Variants in PCDHA2 observed in about 807,000 individuals in gnomAD.
The protein encoded by PCDHA2 is protocadherin alpha 2, also known as protocadherin alpha-2.
PCDHA2 carries 58 observed loss-of-function variants against 66.0 expected under a neutral mutation model. That is an observed-to-expected ratio of 0.88 (90% CI 0.71 to 1.09). The LOEUF (loss-of-function observed/expected upper bound fraction) is 1.09, where lower values mean the gene tolerates loss of function less well. Ranked by LOEUF, PCDHA2 falls within the 50% of genes least tolerant of loss-of-function variation. PCDHA2 has a pLI of 0.00. For synonymous variants in PCDHA2, 634 were observed against 554.0 expected, an observed-to-expected ratio of 1.14 and a Z score of -2.03; for missense variants, 1,267 against 1,242.3, an observed-to-expected ratio of 1.02 and a Z score of -0.30.
chr5:140,830,088 T>C, intron 1 of PCDHA2: 13 of 1,613,512 alleles, frequency 8.1e-6, no homozygotes, highest in Non-Finnish European at 1.1e-5. Flanking sequence ...GCCACGGTTC[T>C]GGTGTCGCTG....
At chr5:140,954,237 A>G (rs1442141242) in intron 1 of PCDHA2, among the ~76,000 whole-genome samples, 14 of 152,338 alleles carry the variant, frequency 9.2e-5, no homozygotes, top group Middle Eastern at 3.4e-3. Flanking sequence ...TAGTGCTGCA[A>G]TGAACATACA....
chr5:140,959,413 T>G (rs1328731924), intron 1 of PCDHA2, among the ~76,000 whole-genome samples: 1 of 152,152 alleles, frequency 6.6e-6, no homozygotes, highest in Admixed American at 6.6e-5. Context: ...TGTTGATTGA[T>G]CTGAGAATTT....
chr5:140,809,099 G>T, intron 1 of PCDHA2: 1 of 1,613,982 alleles, frequency 6.2e-7, no homozygotes, highest in South Asian at 1.1e-5. Flanking sequence ...GCGTGCCCTG[G>T]ACGAAACGGA....
In PCDHA2 at chr5:140,797,082, G is replaced by C. The variant is rs376374088; in HGVS notation, c.2118G>C (p.Ala706=). The change falls in exon 1 of 4, where the codon GCG becomes GCC. Residue 706 remains alanine (A), a synonymous_variant. Transcript: ENST00000526136. The part of the protein sequence containing the change: ...VNVYLIIAIC[A]VSSLLVLTVL... ...TGTACCTGATCATCGCCATCTGCGC[G>C]GTATCCAGCCTGTTGGTGCTCACGG... is the stretch of plus-strand genomic sequence containing the variant. 2.9e-5 allele frequency: 46 copies of C among 1,613,950 alleles called. No individual in the cohort carries two copies. The highest frequency in any genetic ancestry group is 1.0e-4 in the Admixed American group (6 of 60,034).
At chr5:140,862,216 T>C in intron 1 of PCDHA2, 1 of 205,622 alleles carries the variant, frequency 4.9e-6, no homozygotes, top group Non-Finnish European at 9.9e-6. Flanking sequence ...TGCACAGACT[T>C]GATAGAAGTC....
chr5:140,859,086 G>A (rs1474947917), intron 1 of PCDHA2: 3 of 150,424 alleles, frequency 2.0e-5, no homozygotes, highest in Non-Finnish European at 3.0e-5. Flanking sequence ...CTGTGTCAGT[G>A]TGTATTATTC....
At chr5:140,892,758 A>G (rs936927643) in intron 1 of PCDHA2, among the ~76,000 whole-genome samples, 2 of 152,210 alleles carry the variant, frequency 1.3e-5, no homozygotes, top group Non-Finnish European at 2.9e-5. Flanking sequence ...AACATTTAAA[A>G]TCCACTCTTC....
intron 1 of PCDHA2, among the ~76,000 whole-genome samples, chr5:140,833,021 AAG>A (rs1157304540): frequency 2.0e-5 from 3 of 152,192 alleles, no homozygotes; most frequent in Admixed American, 6.6e-5. Context: ...TGGTTCCCAT[AAG>A]AGAGAGTGTG....
At chr5:140,873,078 T>A (rs1375879471) in intron 1 of PCDHA2, among the ~76,000 whole-genome samples, 19 of 152,184 alleles carry the variant, frequency 1.2e-4, no homozygotes, top group Admixed American at 9.2e-4. Flanking sequence ...ATCTAGCTAT[T>A]TCCCCCCCGT....
At chr5:140,857,353 G>A (rs1197611806) in intron 1 of PCDHA2, 1 of 1,598,220 alleles carries the variant, frequency 6.3e-7, no homozygotes, top group African/African-American at 1.3e-5. Flanking sequence ...CTCCGCTGTG[G>A]GCCACGGCCA....
At chr5:140,968,086 A>G (rs2096217656) in intron 1 of PCDHA2, 1 of 1,614,058 alleles carries the variant, frequency 6.2e-7, no homozygotes, top group African/African-American at 1.3e-5. Context: ...TCACGGTGAC[A>G]GCCACAGATG....
At chr5:140,863,157 C>G in intron 1 of PCDHA2, 1 of 638,958 alleles carries the variant, frequency 1.6e-6, no homozygotes, top group South Asian at 1.4e-5. Flanking sequence ...AGGACCACTG[C>G]GAGCTGGCGC....
chr5:140,840,241 A>G (rs1237223547), intron 1 of PCDHA2, among the ~76,000 whole-genome samples: 1 of 152,048 alleles, frequency 6.6e-6, no homozygotes, highest in Non-Finnish European at 1.5e-5. Flanking sequence ...GAGAATCACT[A>G]TGCTATAAAA....
chr5:140,829,588 G>A lies in PCDHA2; in HGVS notation c.2388+32236G>A, dbSNP rs2150170714. ...CCTACTCGCTGGTGGAGCGGCGGGT[G>A]GGCGAGCGCGCGTTGTCGAGCTACA... On this transcript the variant is annotated intron_variant, in intron 1 of 3. Transcript: ENST00000526136. 36 of 1,611,952 alleles carry A rather than the reference G, an allele frequency of 2.2e-5. No individual in the cohort carries two copies. The African/African-American group carries it at 4.3e-4, about 19-fold the overall frequency.
chr5:140,877,062 G>T, intron 1 of PCDHA2: 3 of 1,612,992 alleles, frequency 1.9e-6, no homozygotes, highest in Non-Finnish European at 2.5e-6. Flanking sequence ...AGCTGGAGCT[G>T]CTGCAGTTCC....
rs1379808428 is a variant in PCDHA2, at chr5:140,796,836, GGGGCTATACAC to G, written c.1876_1886del (p.Leu626Ter). The G allele has an allele frequency of 2.5e-6, 4 of 1,613,994 alleles. No individual in the cohort carries two copies. The highest frequency in any genetic ancestry group is 3.4e-6 in the Non-Finnish European group (4 of 1,179,996). On this transcript the variant is annotated frameshift_variant, in exon 1 of 4. Coordinates refer to ENST00000526136, the MANE Select transcript of PCDHA2 (RefSeq NM_018905.3). LOFTEE classifies it high-confidence loss of function. ...GCAGCGCTCGCATCCCGTTCCGCGTGGGGCTATACACGGGTGAGATCAGCACGACACGTGCC... is the reference window on the plus strand; with the variant it reads ...GCAGCGCTCGCATCCCGTTCCGCGTGGGGTGAGATCAGCACGACACGTGCC...
chr5:140,841,339 A>T, intron 1 of PCDHA2: 1 of 1,610,480 alleles, frequency 6.2e-7, no homozygotes, highest in Non-Finnish European at 8.5e-7. Flanking sequence ...ATCACTGGCG[A>T]GGAGAGCTGG....
At chr5:140,848,643 C>T in intron 1 of PCDHA2, 1 of 1,593,248 alleles carries the variant, frequency 6.3e-7, no homozygotes, top group East Asian at 2.2e-5. Flanking sequence ...CCGCATCGCG[C>T]AGGACCTGGG....
chr5:140,823,213 G>A, intron 1 of PCDHA2: 1 of 1,613,778 alleles, frequency 6.2e-7, no homozygotes, highest in Non-Finnish European at 8.5e-7. Flanking sequence ...GTCTGCACGG[G>A]ACGCGGACGC....
Sources: allele counts gnomAD v4.1 joint callset (sites outside exome capture counted in the v4.1 genomes callset), GRCh38; gene constraint gnomAD v4.1.1; transcripts MANE v1.5; gene names NCBI Gene and HGNC (gene_info 2026-07-23, HGNC 2026-07-21).